Variants in WBP4 observed in about 807,000 individuals in gnomAD.
WBP4 encodes WW domain-binding protein 4.
WBP4 carries 37 observed loss-of-function variants against 55.4 expected under a neutral mutation model. That is an observed-to-expected ratio of 0.67 (90% confidence interval 0.51 to 0.88). The LOEUF is 0.88. WBP4 is among the 40% of genes least tolerant of loss of function. The pLI is 0.00. For synonymous variants in WBP4, 142 were observed against 140.2 expected, an observed-to-expected ratio of 1.01 and a Z score of -0.09; for missense variants, 398 against 420.8, an observed-to-expected ratio of 0.95 and a Z score of 0.47.
At chr13:41,066,637 C>T (rs1240852512) in intron 4 of WBP4, among the ~76,000 whole-genome samples, 1 of 152,130 alleles carries the variant, frequency 6.6e-6, no homozygotes, top group Non-Finnish European at 1.5e-5. Flanking sequence ...TTGCTTATTA[C>T]GTGACCACAC....
intron 7 of WBP4, among the ~76,000 whole-genome samples, chr13:41,074,021 C>G (rs891171531): frequency 1.3e-5 from 2 of 151,576 alleles, no homozygotes; most frequent in African/African-American, 4.8e-5. Context: ...GGCTCTGCCC[C>G]CTGGGGTTCA....
rs1002705814 is a variant in WBP4 at position 41,083,123 on chromosome 13, G to A, written c.*209G>A. On this transcript the variant is annotated 3_prime_UTR_variant, in exon 10 of 10. Coordinates refer to ENST00000379487, the MANE Select transcript of WBP4 (RefSeq NM_007187.5). Reference sequence around the variant, plus strand: ...CTACCACATTGCATTGTAATACAGTGTATTATGTTCAGTGTCTAAAAACTG... The same window carrying A: ...CTACCACATTGCATTGTAATACAGTATATTATGTTCAGTGTCTAAAAACTG... 4 of 498,266 alleles carry A rather than the reference G, an allele frequency of 8.0e-6. No individual in the cohort carries two copies. The highest frequency in any genetic ancestry group is 7.7e-5 in the African/African-American group (4 of 52,118). 30.9% of individuals were successfully genotyped at this position (498,266 alleles called of 1,614,324 possible).
At chr13:41,068,759 CTG>C (rs774804785) in intron 5 of WBP4, 22 bp downstream of exon 5, 1 of 1,541,738 alleles carries the variant, frequency 6.5e-7, no homozygotes, top group Non-Finnish European at 8.7e-7. Flanking sequence ...AGGCATAAAA[CTG>C]GTAAAGAACA....
chr13:41,069,705 CAAAAA>C (rs35819905), intron 5 of WBP4, among the ~76,000 whole-genome samples: 2 of 75,884 alleles, frequency 2.6e-5, no homozygotes. Context: ...GACTCTGCCT[CAAAAA>C]AAAAAAAAAA....
In WBP4 at chr13:41,068,752, C is replaced by T. The variant is rs982578388; in HGVS notation, c.439+15C>T. 6 of 1,545,040 alleles carry T rather than the reference C, an allele frequency of 3.9e-6. No homozygotes were observed. In the African/African-American group the frequency reaches 8.3e-5, roughly 21 times the overall value. ...TATCTCAGGAGGTAAGTCATTTAGG[C>T]ATAAAACTGGTAAAGAACAGTGTCA... On this transcript the variant is annotated intron_variant, in intron 5 of 9. Transcript: ENST00000379487.
Position 41,065,298 on chromosome 13 carries a change from A to C in WBP4, c.262+11A>C, listed in dbSNP as rs1004538977. 4.5e-6 allele frequency: 7 copies of C among 1,561,860 alleles called. No individual in the cohort carries two copies. Among genetic ancestry groups the C allele is most frequent in the Non-Finnish European group, 4.3e-6 (5 of 1,163,284 alleles). ...TTGGCTTAGAGTCAGGTAAAAAAAA[A>C]AAAAAAAAAAAAGCAGCCAGCATGT... On this transcript the variant is annotated intron_variant, in intron 4 of 9. Transcript: ENST00000379487.
At chr13:41,072,121 G>A (rs544862915) in intron 6 of WBP4, among the ~76,000 whole-genome samples, 25 of 150,994 alleles carry the variant, frequency 1.7e-4, no homozygotes, top group African/African-American at 5.6e-4. Flanking sequence ...TTGGTTTGCC[G>A]TCAGTTGCCA....
intron 1 of WBP4, chr13:41,062,103 T>TG (rs1280549759): frequency 3.3e-5 from 30 of 916,144 alleles, no homozygotes; most frequent in Admixed American, 1.4e-4. Context: ...ATGGTTTTTT[T>TG]TTTTTTTTTT....
chr13:41,071,942 G>T (rs1048732566), intron 6 of WBP4, among the ~76,000 whole-genome samples: 2 of 150,606 alleles, frequency 1.3e-5, no homozygotes, highest in Non-Finnish European at 3.0e-5. Flanking sequence ...TACTCAGGAG[G>T]CTGAGTCAGG....
chr13:41,073,575 A>G (rs1566212047), intron 7 of WBP4, among the ~76,000 whole-genome samples: 1 of 151,492 alleles, frequency 6.6e-6, no homozygotes, highest in Non-Finnish European at 1.5e-5. Context: ...AGCAGTTTGG[A>G]AGGCCAAGGC....
chr13:41,064,605 G>A (rs1877862833), intron 2 of WBP4, among the ~76,000 whole-genome samples: 1 of 152,038 alleles, frequency 6.6e-6, no homozygotes, highest in Non-Finnish European at 1.5e-5. Flanking sequence ...TGTTCTCTAT[G>A]TCCCTCCTTG....
chr13:41,073,259 A>C (rs1878327040), intron 7 of WBP4, among the ~76,000 whole-genome samples: 2 of 152,318 alleles, frequency 1.3e-5, no homozygotes, highest in African/African-American at 4.8e-5. Context: ...CATGCCTGTA[A>C]TCCCAGCAGT....
chr13:41,071,954 G>T (rs1878265785), intron 6 of WBP4, among the ~76,000 whole-genome samples: 1 of 150,108 alleles, frequency 6.7e-6, no homozygotes, highest in Non-Finnish European at 1.5e-5. Flanking sequence ...TGAGTCAGGG[G>T]AATCACTGGG....
intron 1 of WBP4, chr13:41,062,107 T>TTG: frequency 3.1e-6 from 3 of 960,326 alleles, no homozygotes; most frequent in South Asian, 4.9e-5. Context: ...TTTTTTTTTT[T>TTG]TTTTTTTTTT....
Position 41,082,895 on chromosome 13 carries a change from A to G in WBP4, c.1112A>G (p.Gln371Arg). The change falls in exon 10 of 10, where the codon CAA becomes CGA. Residue 371 changes from glutamine to arginine, a missense_variant. Physicochemically the swap from Gln to Arg is conservative, Grantham distance 43 (BLOSUM62 1). Coordinates refer to ENST00000379487, the MANE Select transcript of WBP4 (RefSeq NM_007187.5). ...TENGKSRNLRQRGDDQ is the reference protein window; with the variant it reads ...TENGKSRNLRRRGDDQ ...AATGGAAAATCTAGAAATTTAAGGC[A>G]ACGAGGTGATGATCAATAGTTGCAG... 6.2e-7 allele frequency: 1 copy of G among 1,614,072 alleles called. No individual in the cohort carries two copies. Among genetic ancestry groups the G allele is most frequent in the Non-Finnish European group, 8.5e-7 (1 of 1,179,974 alleles).
chr13:41,071,690 C>G (rs551871284), intron 6 of WBP4, 117 bp downstream of exon 6: 1 of 881,248 alleles, frequency 1.1e-6, no homozygotes, highest in South Asian at 1.8e-5. Context: ...CCCTCCACCC[C>G]CAAACTGTGT....
intron 4 of WBP4, among the ~76,000 whole-genome samples, chr13:41,065,924 T>C (rs1448384960): frequency 6.6e-6 from 1 of 152,236 alleles, no homozygotes; most frequent in Non-Finnish European, 1.5e-5. Flanking sequence ...ATCTCAGTTG[T>C]TGATCTTACC....
In WBP4 at chr13:41,061,641, C is replaced by A; in HGVS notation, c.-33C>A. 6.2e-7 allele frequency: 1 copy of A among 1,614,126 alleles called. No individual in the cohort carries two copies. The highest frequency in any genetic ancestry group is 2.2e-5 in the East Asian group (1 of 44,878). ...TGGGAAAGCGCGAGTCTGAGTGGAA[C>A]CCTGGACGACTTGCAGAGCGGCTGG... On this transcript the variant is annotated 5_prime_UTR_variant, in exon 1 of 10. Coordinates refer to ENST00000379487, the MANE Select transcript of WBP4 (RefSeq NM_007187.5).
At chr13:41,073,863 G>C (rs1030348416) in intron 7 of WBP4, among the ~76,000 whole-genome samples, 1 of 151,874 alleles carries the variant, frequency 6.6e-6, no homozygotes. Flanking sequence ...ATTAGTAAAA[G>C]TGAAAATTTA....
Sources: allele counts gnomAD v4.1 joint callset (sites outside exome capture counted in the v4.1 genomes callset), GRCh38; gene constraint gnomAD v4.1.1; transcripts MANE v1.5; gene names NCBI Gene and HGNC (gene_info 2026-07-23, HGNC 2026-07-21).